Variants in MMP26 observed in about 807,000 individuals in gnomAD.
MMP26 encodes the protein matrix metalloproteinase-26.
MMP26 carries 33 observed loss-of-function variants against 31.0 expected under a neutral mutation model. The observed-to-expected ratio is 1.06, with a 90% CI of 0.81 to 1.42. MMP26 has a LOEUF of 1.42. MMP26 is among the 40% of genes most tolerant of loss of function. The pLI is 0.00. For synonymous variants in MMP26, 122 were observed against 114.9 expected (o/e 1.06, Z -0.40); for missense variants, 347 against 316.1 (o/e 1.10, Z -0.74).
At chr11:4,732,696 A>T (rs767749710) in intron 1 of MMP26, among the ~76,000 whole-genome samples, 108 of 152,196 alleles carry the variant, frequency 7.1e-4, no homozygotes, top group Non-Finnish European at 1.3e-3. Flanking sequence ...TGAAGATTTT[A>T]TATAAATTGA....
At chr11:4,913,416 C>A (rs545863140) in intron 2 of MMP26, 1 of 152,214 alleles carries the variant, frequency 6.6e-6, no homozygotes, top group African/African-American at 2.4e-5. Context: ...AGGAACATGA[C>A]ATTCTCATGC....
At chr11:4,845,933 A>G (rs528206121) in intron 2 of MMP26, among the ~76,000 whole-genome samples, 1 of 152,322 alleles carries the variant, frequency 6.6e-6, no homozygotes, top group South Asian at 2.1e-4. Flanking sequence ...TATCCAAAAG[A>G]CAGACAATGC....
chr11:4,873,477 A>G (rs1850337039), intron 2 of MMP26, among the ~76,000 whole-genome samples: 1 of 152,116 alleles, frequency 6.6e-6, no homozygotes, highest in Non-Finnish European at 1.5e-5. Context: ...TGCAACAGCC[A>G]CTACTGGCAG....
intron 2 of MMP26, among the ~76,000 whole-genome samples, chr11:4,982,893 G>C (rs191233970): frequency 6.6e-5 from 10 of 152,208 alleles, no homozygotes; most frequent in African/African-American, 2.4e-4. Flanking sequence ...TAAGGTCCAG[G>C]TTACATCACC....
chr11:4,915,395 A>G, intron 2 of MMP26: 1 of 1,614,052 alleles, frequency 6.2e-7, no homozygotes, highest in South Asian at 1.1e-5. Context: ...TCCAACCCAA[A>G]AGATGCCCAG....
Position 4,704,902 on chromosome 11 carries a change from T to C in MMP26, c.-360T>C, listed in dbSNP as rs925561909. 2.6e-5 allele frequency: 4 copies of C among 152,234 alleles called. 1 individual carries two copies. The highest frequency in any genetic ancestry group is 9.6e-5 in the African/African-American group (4 of 41,452). The allele number at this position is 152,234 out of a possible 1,614,324, so 9.4% of individuals were successfully genotyped here. A position where few individuals can be genotyped will look rare whatever the true frequency, so the allele number is the denominator to read the frequency against. On this transcript the variant is annotated 5_prime_UTR_variant, in exon 1 of 8. Coordinates refer to ENST00000380390, the MANE Select transcript of MMP26 (RefSeq NM_021801.5). ...CAGCTATAGTAGTACAGAACCTTTC[T>C]GCAAGTAAGTTAGTGAGGTTGAGAT...
chr11:4,756,323 A>G (rs1430084594), intron 1 of MMP26, among the ~76,000 whole-genome samples: 1 of 152,094 alleles, frequency 6.6e-6, no homozygotes, highest in Non-Finnish European at 1.5e-5. Context: ...AAGCCAACAT[A>G]CAAATAACTA....
chr11:4,951,993 C>G (rs1846378649), intron 2 of MMP26, among the ~76,000 whole-genome samples: 1 of 124,082 alleles, frequency 8.1e-6, no homozygotes, highest in African/African-American at 2.7e-5. Flanking sequence ...TCCTGTAGCT[C>G]ACAAGGTTCC....
At chr11:4,720,694 G>A (rs1847999123) in intron 1 of MMP26, among the ~76,000 whole-genome samples, 1 of 152,130 alleles carries the variant, frequency 6.6e-6, no homozygotes, top group South Asian at 2.1e-4. Context: ...CTTATATTCT[G>A]ACCTATAATG....
At chr11:4,838,424 G>A (rs2133486623) in intron 2 of MMP26, among the ~76,000 whole-genome samples, 1 of 137,614 alleles carries the variant, frequency 7.3e-6, no homozygotes, top group African/African-American at 2.6e-5. Context: ...CTTTTAACAT[G>A]TAAATCCTTT....
intron 1 of MMP26, among the ~76,000 whole-genome samples, chr11:4,720,247 G>A (rs577443189): frequency 6.6e-6 from 1 of 152,328 alleles, no homozygotes; most frequent in Admixed American, 6.5e-5. Context: ...ACTCCAATCT[G>A]TATAGTTTCT....
At chr11:4,927,638 G>A (rs1008068150) in intron 2 of MMP26, among the ~76,000 whole-genome samples, 8 of 152,072 alleles carry the variant, frequency 5.3e-5, no homozygotes, top group South Asian at 2.1e-4. Context: ...TGCCTGAGCC[G>A]TGACAGTTGG....
At chr11:4,856,314 A>G (rs1263372237) in intron 2 of MMP26, among the ~76,000 whole-genome samples, 2 of 152,212 alleles carry the variant, frequency 1.3e-5, no homozygotes, top group African/African-American at 4.8e-5. Flanking sequence ...AGTGTGCTGT[A>G]TTCAGGAGAC....
intron 2 of MMP26, chr11:4,943,542 G>A: frequency 2.2e-6 from 1 of 453,738 alleles, no homozygotes; most frequent in Non-Finnish European, 4.4e-6. Context: ...TTTTGGGTAA[G>A]GGCTATCCTG....
At chr11:4,986,932 C>CCTCTCTCT (rs1194074123) in intron 2 of MMP26, among the ~76,000 whole-genome samples, 61 of 60,428 alleles carry the variant, frequency 1.0e-3, no homozygotes, top group East Asian at 7.0e-3. Flanking sequence ...TCTCTCTCTC[C>CCTCTCTCT]CTCTCTCTCT....
At chr11:4,934,466 T>C (rs1168987191) in intron 2 of MMP26, among the ~76,000 whole-genome samples, 1 of 112,566 alleles carries the variant, frequency 8.9e-6, no homozygotes, top group African/African-American at 3.5e-5. Flanking sequence ...TTGTAGATTC[T>C]GGATATTAGC....
At chr11:4,989,252 A>C (rs370335229) in intron 3 of MMP26, among the ~76,000 whole-genome samples, 85 of 152,250 alleles carry the variant, frequency 5.6e-4, no homozygotes, top group African/African-American at 1.3e-3. Flanking sequence ...GAACCAGCCA[A>C]ATTTTATGTC....
At chr11:4,888,559 AC>A (rs1223410148) in intron 2 of MMP26, among the ~76,000 whole-genome samples, 2 of 152,058 alleles carry the variant, frequency 1.3e-5, no homozygotes, top group East Asian at 1.9e-4. Flanking sequence ...ATTTTGAAAA[AC>A]TTTTTCCTAT....
intron 6 of MMP26, 135 bp downstream of exon 6, chr11:4,991,631 A>T: frequency 9.1e-7 from 1 of 1,094,598 alleles, no homozygotes; most frequent in South Asian, 1.7e-5. Context: ...CTTCTTTATA[A>T]GTGAGGAGAT....
Sources: gnomAD v4.1 joint callset for allele counts (sites outside exome capture counted in the v4.1 genomes callset) on GRCh38, gnomAD v4.1.1 for gene constraint, MANE v1.5 for transcripts, NCBI Gene and HGNC (gene_info 2026-07-23, HGNC 2026-07-21) for gene names.